The following GRIP1 variants were observed in gnomAD, a reference collection of about 807,000 sequenced individuals.
GRIP1 encodes the protein glutamate receptor interacting protein 1.
Under a neutral mutation model 129.9 loss-of-function variants are expected in GRIP1, and 45 were observed. The observed-to-expected ratio is 0.35, with a 90% CI of 0.27 to 0.44. The LOEUF (loss-of-function observed/expected upper bound fraction) is 0.44, where lower values mean the gene tolerates loss of function less well. Ranked by LOEUF, GRIP1 falls within the 20% of genes least tolerant of loss-of-function variation. The pLI, the probability that GRIP1 is intolerant of heterozygous loss-of-function variation, is 1.00. For synonymous variants in GRIP1, 530 were observed against 520.8 expected, an observed-to-expected ratio of 1.02 and a Z score of -0.24; for missense variants, 1,196 against 1,396.8, an observed-to-expected ratio of 0.86 and a Z score of 2.29.
At chr12:66,807,169 A>T (rs910569597), upstream of GRIP1, among the ~76,000 whole-genome samples, 4 of 152,174 alleles carry the variant, frequency 2.6e-5, no homozygotes, top group East Asian at 5.8e-4. Context: ...CATTTTATTC[A>T]ATTTTCCTGG....
intron 1 of GRIP1, among the ~76,000 whole-genome samples, chr12:66,765,397 A>C (rs2037604295): frequency 6.6e-6 from 1 of 152,220 alleles, no homozygotes; most frequent in Non-Finnish European, 1.5e-5. Context: ...ACAATCTTTG[A>C]AATGACTCCT....
At chr12:66,746,067 G>A (rs1397310804) in intron 1 of GRIP1, among the ~76,000 whole-genome samples, 1 of 152,104 alleles carries the variant, frequency 6.6e-6, no homozygotes, top group Non-Finnish European at 1.5e-5. Flanking sequence ...ACCAGTGCAG[G>A]CAGAAGACAA....
intron 1 of GRIP1, among the ~76,000 whole-genome samples, chr12:66,839,654 A>G (rs11176443): frequency 0.089 from 13,614 of 152,286 alleles, 685 homozygotes; most frequent in South Asian, 0.17. Flanking sequence ...TCAAAGGCCA[A>G]AAAAGAAAAT....
chr12:66,767,173 C>T (rs553085238), intron 1 of GRIP1, among the ~76,000 whole-genome samples: 8 of 152,216 alleles, frequency 5.3e-5, no homozygotes, highest in African/African-American at 1.7e-4. Context: ...AATGTAAATG[C>T]TTTTATTTTA....
chr12:66,720,561 T>A (rs1057386783), intron 1 of GRIP1, among the ~76,000 whole-genome samples: 7 of 152,210 alleles, frequency 4.6e-5, no homozygotes, highest in Non-Finnish European at 1.5e-5. Context: ...CTCTCAAACC[T>A]TGCCACTGCC....
intron 1 of GRIP1, among the ~76,000 whole-genome samples, chr12:66,891,573 A>G (rs922734936): frequency 2.0e-5 from 3 of 152,234 alleles, no homozygotes; most frequent in Non-Finnish European, 2.9e-5. Context: ...CCTCCTCATC[A>G]CAGGGGCTAA....
chr12:66,955,504 GTTTT>G (rs71088226), intron 1 of GRIP1, among the ~76,000 whole-genome samples: 85 of 114,506 alleles, frequency 7.4e-4, no homozygotes, highest in African/African-American at 2.0e-3. Context: ...TACTTTTTTG[GTTTT>G]TTTTTTTTTT....
intron 1 of GRIP1, among the ~76,000 whole-genome samples, chr12:66,923,720 T>A (rs1395811389): frequency 2.0e-5 from 3 of 152,228 alleles, no homozygotes; most frequent in Non-Finnish European, 4.4e-5. Context: ...GCTATCCACT[T>A]GCTGAGAAAT....
chr12:66,618,826 G>T (rs533055958), intron 1 of GRIP1, among the ~76,000 whole-genome samples: 1 of 152,050 alleles, frequency 6.6e-6, no homozygotes, highest in Non-Finnish European at 1.5e-5. Context: ...GCTGAAAAAA[G>T]GCAAGCACCA....
At position 66,678,921 on chromosome 12, in the gene GRIP1, C is replaced by T. The variant is rs760267136; in HGVS notation, c.-17G>A. ...AGCTATCATTCTTGCTCACTGCTTT[C>T]TGTGGCAAAGTGTACTCAAGGCTCT... On this transcript the variant is annotated 5_prime_UTR_variant, in exon 1 of 25. Transcript: ENST00000359742. 1.2e-6 allele frequency: 2 copies of T among 1,613,204 alleles called. No homozygotes were observed. The highest frequency in any genetic ancestry group is 1.3e-5 in the African/African-American group (1 of 74,888).
intron 1 of GRIP1, among the ~76,000 whole-genome samples, chr12:67,047,431 C>T (rs2043271333): frequency 6.6e-6 from 1 of 152,118 alleles, no homozygotes; most frequent in South Asian, 2.1e-4. Context: ...TTATTTCACA[C>T]TGTTGAGGTC....
At chr12:66,386,399 C>T (rs994813707) in intron 19 of GRIP1, among the ~76,000 whole-genome samples, 3 of 152,062 alleles carry the variant, frequency 2.0e-5, no homozygotes, top group Non-Finnish European at 2.9e-5. Flanking sequence ...TTTGGGAGGC[C>T]GAGGCAGGTG....
intron 1 of GRIP1, among the ~76,000 whole-genome samples, chr12:67,028,089 C>T (rs1002774054): frequency 1.3e-5 from 2 of 152,164 alleles, no homozygotes; most frequent in South Asian, 2.1e-4. Flanking sequence ...ATTTTCTGGA[C>T]CCAACAATAT....
intron 1 of GRIP1, among the ~76,000 whole-genome samples, chr12:66,701,891 C>T (rs2035365911): frequency 1.3e-5 from 2 of 152,178 alleles, no homozygotes. Flanking sequence ...TAGCTATATA[C>T]TTAATTGGTC....
chr12:67,059,120 G>A (rs970075881), intron 1 of GRIP1, among the ~76,000 whole-genome samples: 2 of 152,222 alleles, frequency 1.3e-5, no homozygotes, highest in African/African-American at 4.8e-5. Context: ...AATATCTGCA[G>A]AAGGTGACTA....
chr12:66,780,491 T>C (rs2038123047), intron 1 of GRIP1, among the ~76,000 whole-genome samples: 1 of 152,008 alleles, frequency 6.6e-6, no homozygotes, highest in African/African-American at 2.4e-5. Flanking sequence ...GGACCCCATA[T>C]TGAGGAGAAA....
chr12:66,717,612 G>T (rs1023438200), intron 1 of GRIP1, among the ~76,000 whole-genome samples: 1 of 152,112 alleles, frequency 6.6e-6, no homozygotes, highest in Admixed American at 6.6e-5. Context: ...TAGTGCCGTT[G>T]AAAAGAGAAT....
At chr12:66,887,290 T>C (rs1190261190) in intron 1 of GRIP1, among the ~76,000 whole-genome samples, 1 of 152,208 alleles carries the variant, frequency 6.6e-6, no homozygotes, top group East Asian at 1.9e-4. Flanking sequence ...AAAAGAAGGA[T>C]TAATGTTCAA....
chr12:66,465,244 C>T lies in GRIP1; in HGVS notation c.872+31G>A, dbSNP rs190415452. The T allele has an allele frequency of 2.7e-4, 432 of 1,604,102 alleles. 1 individual carries two copies. In the Middle Eastern group the frequency reaches 4.8e-3, roughly 18 times the overall value. On this transcript the variant is annotated intron_variant, in intron 8 of 24. Transcript: ENST00000359742. ...TACAGGCGTGAGCCACTGCGCCTGG[C>T]GGAAAAGTAGGCACTTTCTACAATA...
Sources: gnomAD v4.1 joint callset for allele counts (sites outside exome capture counted in the v4.1 genomes callset) on GRCh38, gnomAD v4.1.1 for gene constraint, MANE v1.5 for transcripts, NCBI Gene and HGNC (gene_info 2026-07-23, HGNC 2026-07-21) for gene names.